Variants in KLHL6 observed in about 807,000 individuals in gnomAD.
The protein encoded by KLHL6 is kelch-like protein 6.
A neutral mutation model predicts 58.6 loss-of-function variants in KLHL6; 41 were observed. The ratio of observed to expected loss-of-function variants is 0.70; its 90% CI spans 0.55 to 0.91. The LOEUF (loss-of-function observed/expected upper bound fraction) is 0.91. Ranked by LOEUF, KLHL6 falls within the 40% of genes least tolerant of loss-of-function variation. The probability of loss-of-function intolerance (pLI) is 0.00; values close to 1 mark genes in which losing one functional copy is unlikely to be tolerated. For missense variants in KLHL6, 714 were observed against 805.6 expected, an observed-to-expected ratio of 0.89 and a Z score of 1.38; for synonymous variants, 338 against 322.7, an observed-to-expected ratio of 1.05 and a Z score of -0.51.
At chr3:183,552,286 G>T (rs531994155) in intron 1 of KLHL6, 1 of 152,220 alleles carries the variant, frequency 6.6e-6, no homozygotes, top group Non-Finnish European at 1.5e-5. Context: ...CCAGATGTCT[G>T]TCCGTAGGGG....
In KLHL6 at chr3:183,494,298, G is replaced by T. The variant is rs1717658029; in HGVS notation, c.1148-17C>A. ...CTTTGCCACCTGCAAGAGATACAAAGCATTTAAGAAACCATCAGATGTGTC... is the reference window on the plus strand; with the variant it reads ...CTTTGCCACCTGCAAGAGATACAAATCATTTAAGAAACCATCAGATGTGTC... On this transcript the variant is annotated splice_polypyrimidine_tract_variant and intron_variant, in intron 4 of 6. Coordinates refer to ENST00000341319, the MANE Select transcript of KLHL6 (RefSeq NM_130446.4). 1 of 1,595,134 alleles carries T rather than the reference G, an allele frequency of 6.3e-7. No individual in the cohort carries two copies. The highest frequency in any genetic ancestry group is 8.6e-7 in the Non-Finnish European group (1 of 1,163,164).
At chr3:183,535,135 G>A (rs1712322311) in intron 1 of KLHL6, among the ~76,000 whole-genome samples, 1 of 151,956 alleles carries the variant, frequency 6.6e-6, no homozygotes, top group African/African-American at 2.4e-5. Flanking sequence ...AGTAGAGACG[G>A]GGTTTTACTA....
At chr3:183,519,371 C>CAGGT (rs990789380) in intron 2 of KLHL6, among the ~76,000 whole-genome samples, 10 of 152,152 alleles carry the variant, frequency 6.6e-5, no homozygotes, top group Non-Finnish European at 1.3e-4. Context: ...GATGGGAACA[C>CAGGT]AGGTGCTCCA....
At chr3:183,525,636 T>C (rs1711939092) in intron 2 of KLHL6, among the ~76,000 whole-genome samples, 2 of 152,220 alleles carry the variant, frequency 1.3e-5, no homozygotes, top group Non-Finnish European at 2.9e-5. Flanking sequence ...AACCTAGGTC[T>C]GCTTGCCCGT....
intron 1 of KLHL6, among the ~76,000 whole-genome samples, chr3:183,539,129 G>A (rs1378919045): frequency 6.6e-6 from 1 of 152,156 alleles, no homozygotes; most frequent in African/African-American, 2.4e-5. Flanking sequence ...CTAGAAAGAG[G>A]TCACCCCTAC....
intron 1 of KLHL6, among the ~76,000 whole-genome samples, chr3:183,534,635 T>C (rs1171769721): frequency 6.6e-6 from 1 of 151,662 alleles, no homozygotes; most frequent in Non-Finnish European, 1.5e-5. Flanking sequence ...ACTCCTGGGC[T>C]CAGGCGATCC....
chr3:183,514,182 A>T (rs1711503995), intron 2 of KLHL6, among the ~76,000 whole-genome samples: 1 of 152,218 alleles, frequency 6.6e-6, no homozygotes, highest in Non-Finnish European at 1.5e-5. Flanking sequence ...GAGGCAGCAG[A>T]CGCTAACCAA....
intron 1 of KLHL6, among the ~76,000 whole-genome samples, chr3:183,529,571 C>T (rs561646536): frequency 1.3e-5 from 2 of 152,214 alleles, no homozygotes; most frequent in African/African-American, 4.8e-5. Context: ...GGGGTGGGGG[C>T]TTATGCTTGT....
intron 1 of KLHL6, among the ~76,000 whole-genome samples, chr3:183,531,233 A>G (rs1358323105): frequency 6.6e-6 from 1 of 151,898 alleles, no homozygotes; most frequent in Non-Finnish European, 1.5e-5. Context: ...CCTCCATCAG[A>G]CACCTGGGAG....
At chr3:183,508,676 G>A (rs563218248) in intron 2 of KLHL6, among the ~76,000 whole-genome samples, 168 bp from the exon 3 acceptor site, 1 of 152,296 alleles carries the variant, frequency 6.6e-6, no homozygotes, top group East Asian at 1.9e-4. Context: ...TTAAAACAAT[G>A]AGATACTTAC....
rs749063799 is a variant in KLHL6, at chr3:183,494,150, C to T, written c.1279G>A (p.Gly427Arg). Residue 427 changes from glycine to arginine, a missense_variant, in exon 5 of 7, where the codon GGA (glycine) becomes AGA (arginine). Gly to Arg is a moderately radical substitution (Grantham distance 125). Around this residue, in one of 2 missense-constraint regions of KLHL6, gnomAD observed 510 missense variants for 629.7 expected, o/e 0.81. Coordinates refer to ENST00000341319, the MANE Select transcript of KLHL6 (RefSeq NM_130446.4). ...ATTCTCTGTAAGCCGTCAAAGCCTC[C>T]GATCACATAGACCTTGCCACCCAAC... ...VVLGGKVYVIGGFDGLQRINN... is the reference protein window; with the variant it reads ...VVLGGKVYVIRGFDGLQRINN... 1.2e-5 allele frequency: 19 copies of T among 1,614,084 alleles called. No homozygotes were observed. Among genetic ancestry groups the T allele is most frequent in the Admixed American group, 3.3e-5 (2 of 60,008 alleles).
chr3:183,527,201 G>C (rs1455449695), intron 2 of KLHL6, among the ~76,000 whole-genome samples: 1 of 151,852 alleles, frequency 6.6e-6, no homozygotes, highest in Non-Finnish European at 1.5e-5. Flanking sequence ...GATCAAGCAA[G>C]GGAAAGGCTA....
intron 4 of KLHL6, among the ~76,000 whole-genome samples, chr3:183,495,244 C>T (rs537296747): frequency 1.3e-5 from 2 of 152,298 alleles, no homozygotes; most frequent in South Asian, 2.1e-4. Context: ...AGGCATCCTC[C>T]GCAGCTGTGG....
chr3:183,501,421 G>A (rs1717863580), intron 3 of KLHL6, among the ~76,000 whole-genome samples: 1 of 152,196 alleles, frequency 6.6e-6, no homozygotes, highest in African/African-American at 2.4e-5. Context: ...TCAGGGCAAT[G>A]CTTAGAAAAA....
At chr3:183,506,837 T>C (rs1026267745) in intron 3 of KLHL6, among the ~76,000 whole-genome samples, 4 of 126,058 alleles carry the variant, frequency 3.2e-5, no homozygotes, top group Non-Finnish European at 5.1e-5. Flanking sequence ...CAAAAATAAA[T>C]AAATAAATAA....
intron 1 of KLHL6, among the ~76,000 whole-genome samples, chr3:183,551,155 A>G (rs1202034602): frequency 6.6e-6 from 1 of 151,172 alleles, no homozygotes; most frequent in Non-Finnish European, 1.5e-5. Flanking sequence ...CTTCCCATGC[A>G]CTCTTTCTTA....
rs1717561945 is a variant in KLHL6 at position 183,491,790 on chromosome 3, C to T, written c.*137G>A. 1.4e-6 allele frequency: 1 copy of T among 726,364 alleles called. No individual in the cohort carries two copies. The highest frequency in any genetic ancestry group is 2.0e-6 in the Non-Finnish European group (1 of 492,044). The allele number at this position is 726,364 out of a possible 1,614,324, so 45.0% of individuals were successfully genotyped here. A position where few individuals can be genotyped will look rare whatever the true frequency, so the allele number is the denominator to read the frequency against. On this transcript the variant is annotated 3_prime_UTR_variant, in exon 7 of 7. Transcript: ENST00000341319. ...CCCAAACTGTGACTTCCAAGGTTCC[C>T]CCAAAGTGAGTCAAGGGGATCCCCT...
intron 2 of KLHL6, among the ~76,000 whole-genome samples, chr3:183,526,738 GAAAATT>G (rs1397639612): frequency 6.6e-6 from 1 of 152,084 alleles, no homozygotes; most frequent in African/African-American, 2.4e-5. Context: ...TCACTTGAGA[GAAAATT>G]AAAAATGAGG....
At chr3:183,505,526 A>C (rs1343672031) in intron 3 of KLHL6, among the ~76,000 whole-genome samples, 2 of 152,240 alleles carry the variant, frequency 1.3e-5, no homozygotes, top group African/African-American at 2.4e-5. Context: ...AAGAAAGAAA[A>C]TAATGATCAG....
Sources: gnomAD v4.1 joint callset for allele counts (sites outside exome capture counted in the v4.1 genomes callset) on GRCh38, gnomAD v4.1.1 for gene constraint, gnomAD v4.1.1 regional missense constraint, MANE v1.5 for transcripts, NCBI Gene and HGNC (gene_info 2026-07-23, HGNC 2026-07-21) for gene names.